Variants in PHACTR1 observed in about 807,000 individuals in gnomAD.
PHACTR1 encodes the protein phosphatase and actin regulator 1.
In PHACTR1, 16 loss-of-function variants were observed where a neutral mutation model predicts 69.2. That is an observed-to-expected ratio of 0.23 (90% CI 0.16 to 0.35). The LOEUF is 0.35. Ranked by LOEUF, PHACTR1 falls within the 10% of genes least tolerant of loss-of-function variation. The probability of loss-of-function intolerance (pLI) is 1.00; values close to 1 mark genes in which losing one functional copy is unlikely to be tolerated. For missense variants in PHACTR1, 510 were observed against 734.7 expected (o/e 0.69, Z 3.54); for synonymous variants, 312 against 284.5 (o/e 1.10, Z -0.97).
At chr6:13,084,268 G>A (rs1287118190) in intron 5 of PHACTR1, among the ~76,000 whole-genome samples, 2 of 149,822 alleles carry the variant, frequency 1.3e-5, no homozygotes, top group Admixed American at 6.8e-5. Flanking sequence ...GCAAACTATC[G>A]CAAGGACAAA....
rs866966102 is a variant in PHACTR1, at chr6:12,793,794, T to C, written c.250+44004T>C. On this transcript the variant is annotated intron_variant, in intron 4 of 14. Transcript: ENST00000332995. ...AGACTCATGTTTCTGTTTTCTTTAA[T>C]GAGTCATCAGATTTCCAATGTAATC... Among the ~76,000 whole-genome samples the C allele has an allele frequency of 3.3e-5, 5 of 152,344 alleles. No individual in the cohort carries two copies. In the South Asian group the frequency reaches 6.2e-4, roughly 19 times the overall value.
rs550370149 is a variant in PHACTR1 at position 13,167,367 on chromosome 6, G to T, written c.496+7083G>T. Among the ~76,000 whole-genome samples, 3 of 152,306 alleles carry T rather than the reference G, an allele frequency of 2.0e-5. No individual in the cohort carries two copies. In the South Asian group the frequency reaches 6.2e-4, roughly 32 times the overall value. The stretch of plus-strand genomic sequence containing the variant: ...ACCACAGTGTCACTCACTTTGTATG[G>T]TATGGGTATGTGTAATTCACGTGGA... On this transcript the variant is annotated intron_variant, in intron 6 of 14. Transcript: ENST00000332995.
chr6:13,155,966 A>G (rs1168867075), intron 5 of PHACTR1, among the ~76,000 whole-genome samples: 1 of 151,910 alleles, frequency 6.6e-6, no homozygotes, highest in Non-Finnish European at 1.5e-5. Flanking sequence ...TCACTTTACT[A>G]TGACTTTCAA....
At chr6:13,123,130 A>G (rs1480338932) in intron 5 of PHACTR1, among the ~76,000 whole-genome samples, 1 of 152,204 alleles carries the variant, frequency 6.6e-6, no homozygotes, top group Non-Finnish European at 1.5e-5. Context: ...AATAGCTTGG[A>G]TATGAAGATA....
chr6:12,809,798 C>A (rs372771116), intron 4 of PHACTR1, among the ~76,000 whole-genome samples: 2 of 152,150 alleles, frequency 1.3e-5, no homozygotes, highest in Admixed American at 6.5e-5. Context: ...AACTTTCCCT[C>A]CATCCAAAAC....
intron 5 of PHACTR1, among the ~76,000 whole-genome samples, chr6:13,103,999 G>A (rs765170908): frequency 2.0e-5 from 3 of 152,154 alleles, no homozygotes; most frequent in Non-Finnish European, 4.4e-5. Context: ...CAGGAAAATC[G>A]CCTGAACCCG....
intron 4 of PHACTR1, among the ~76,000 whole-genome samples, chr6:12,929,962 T>G (rs781713738): frequency 2.6e-5 from 4 of 152,168 alleles, no homozygotes; most frequent in Admixed American, 1.3e-4. Context: ...TTTGCACCAC[T>G]TTTTTTAAAA....
chr6:13,070,518 G>A (rs890398584), intron 5 of PHACTR1, among the ~76,000 whole-genome samples: 23 of 152,192 alleles, frequency 1.5e-4, no homozygotes, highest in African/African-American at 5.3e-4. Flanking sequence ...TCACAGGGCT[G>A]GTTAATGATA....
In PHACTR1 at chr6:13,278,129, G is replaced by C. The variant is rs140320899; in HGVS notation, c.1448-139G>C. On this transcript the variant is annotated intron_variant, in intron 11 of 14. Transcript: ENST00000332995. ...AGCAATCCCCATAAGGAGAAGGGCA[G>C]CTGGGGGAGGGGACAGGAGTACTCT... 46 of 719,906 alleles carry C rather than the reference G, an allele frequency of 6.4e-5. No homozygotes were observed. In the African/African-American group the frequency reaches 7.7e-4, roughly 12 times the overall value. The allele number at this position is 719,906 out of a possible 1,614,324, so 44.6% of individuals were successfully genotyped here. A position where few individuals can be genotyped will look rare whatever the true frequency, so the allele number is the denominator to read the frequency against.
intron 4 of PHACTR1, among the ~76,000 whole-genome samples, chr6:12,975,918 A>C (rs1794821357): frequency 2.0e-5 from 3 of 152,210 alleles, no homozygotes; most frequent in Admixed American, 2.0e-4. Flanking sequence ...CCAGTGCTAT[A>C]GGTAAAATGG....
rs1779879579 is a variant in PHACTR1, at chr6:12,852,070, G to A, written c.250+102280G>A. On this transcript the variant is annotated intron_variant, in intron 4 of 14. Coordinates refer to ENST00000332995, the MANE Select transcript of PHACTR1 (RefSeq NM_030948.6). ...GGCTGGTCTCAAACTCCTGACCTCAGGGGATTCCCCCTCCTTGGCCTCCCA... is the reference window on the plus strand; with the variant it reads ...GGCTGGTCTCAAACTCCTGACCTCAAGGGATTCCCCCTCCTTGGCCTCCCA... Among the ~76,000 whole-genome samples the A allele has an allele frequency of 2.0e-5, 3 of 152,244 alleles. No homozygotes were observed. In the South Asian group the frequency reaches 6.2e-4, roughly 32 times the overall value.
rs1761905258 is a variant in PHACTR1, at chr6:13,179,656, A to G, written c.497-2863A>G. Among the ~76,000 whole-genome samples the G allele has an allele frequency of 6.6e-6, 1 of 151,666 alleles. No individual in the cohort carries two copies. The highest frequency in any genetic ancestry group is 1.5e-5 in the Non-Finnish European group (1 of 67,966). On this transcript the variant is annotated intron_variant, in intron 6 of 14. Transcript: ENST00000332995. This position sits in a 1 kb window ranked among gnomAD's most constrained non-coding sequence, Gnocchi z 4.2. ...ATATATGGATGGATGGGTGGTTGAT[A>G]GGTAGGAAGATAGGTAGGTAGGTAG...
chr6:12,985,164 TGC>T (rs1795984680), intron 4 of PHACTR1, among the ~76,000 whole-genome samples: 1 of 152,204 alleles, frequency 6.6e-6, no homozygotes, highest in Admixed American at 6.5e-5. Context: ...TACTTTAAGA[TGC>T]ACTTTGAAAA....
At chr6:12,813,884 G>C (rs150862455) in intron 4 of PHACTR1, among the ~76,000 whole-genome samples, 3 of 152,182 alleles carry the variant, frequency 2.0e-5, no homozygotes, top group African/African-American at 7.2e-5. Context: ...AGGAACACAG[G>C]ATCTCAGGCC....
At position 12,775,425 on chromosome 6, in the gene PHACTR1, C is replaced by T. The variant is rs139775902; in HGVS notation, c.250+25635C>T. Among the ~76,000 whole-genome samples, 420 of 152,316 alleles carry T rather than the reference C, an allele frequency of 2.8e-3. 2 individuals carry two copies. The highest frequency in any genetic ancestry group is 8.5e-3 in the African/African-American group (353 of 41,584). ...GTAAATACAGTATGAGAACACACATCTGTTTCCACTCACTGAACTCATTAA... is the reference window on the plus strand; with the variant it reads ...GTAAATACAGTATGAGAACACACATTTGTTTCCACTCACTGAACTCATTAA... On this transcript the variant is annotated intron_variant, in intron 4 of 14. Coordinates refer to ENST00000332995, the MANE Select transcript of PHACTR1 (RefSeq NM_030948.6).
At chr6:12,855,041 T>C (rs1780209922) in intron 4 of PHACTR1, among the ~76,000 whole-genome samples, 1 of 152,206 alleles carries the variant, frequency 6.6e-6, no homozygotes, top group African/African-American at 2.4e-5. Context: ...TTAGTGGGTG[T>C]ACTCTCAAAG....
chr6:12,850,418 GA>G (rs1779718418), intron 4 of PHACTR1, among the ~76,000 whole-genome samples: 1 of 152,224 alleles, frequency 6.6e-6, no homozygotes, highest in Admixed American at 6.5e-5. Flanking sequence ...TTGCACACAA[GA>G]TGAAATTTTT....
Position 13,106,480 on chromosome 6 carries a change from A to C in PHACTR1, c.415+52951A>C, listed in dbSNP as rs892998748. ...TGCAGGTGCCCTTTGTTTATTTTTT[A>C]TTCTTTTATTTCTTAAAAAACAAGG... On this transcript the variant is annotated intron_variant, in intron 5 of 14. Transcript: ENST00000332995. 2.0e-5 allele frequency among the ~76,000 whole-genome samples: 3 copies of C among 151,918 alleles called. No homozygotes were observed. In the South Asian group the frequency reaches 6.2e-4, roughly 32 times the overall value.
chr6:13,258,936 G>C (rs1218293987), intron 10 of PHACTR1, among the ~76,000 whole-genome samples: 2 of 152,184 alleles, frequency 1.3e-5, no homozygotes, highest in East Asian at 3.8e-4. Context: ...TTTATATATA[G>C]CTCTAACTGA....
Sources: gnomAD v4.1 joint callset for allele counts (sites outside exome capture counted in the v4.1 genomes callset) on GRCh38, gnomAD v4.1.1 for gene constraint, Gnocchi (gnomAD v3.1) non-coding constraint, MANE v1.5 for transcripts, NCBI Gene and HGNC (gene_info 2026-07-23, HGNC 2026-07-21) for gene names.